The following PPEF1 variants were observed in gnomAD, a reference collection of about 807,000 sequenced individuals.
PPEF1 encodes serine/threonine-protein phosphatase with EF-hands 1.
PPEF1 carries 12 observed loss-of-function variants against 53.3 expected under a neutral mutation model. The ratio of observed to expected loss-of-function variants is 0.23; its 90% CI spans 0.14 to 0.36. The LOEUF (loss-of-function observed/expected upper bound fraction) is 0.36, where lower values mean the gene tolerates loss of function less well. Among genes scored for constraint, PPEF1 ranks in the 10% least tolerant of loss-of-function variants. The pLI is 1.00. For synonymous variants in PPEF1, 165 were observed against 176.7 expected (o/e 0.93, Z 0.52); for missense variants, 334 against 490.4 (o/e 0.68, Z 3.01).
At chrX:18,733,121 G>A (rs1218623249) in intron 2 of PPEF1, among the ~76,000 whole-genome samples, 3 of 111,506 alleles carry the variant, frequency 2.7e-5, no homozygotes, top group Non-Finnish European at 5.7e-5. Flanking sequence ...CAGGAGAATC[G>A]CTTGATCCGG....
At chrX:18,820,640 C>T (rs1196023914) in intron 13 of PPEF1, among the ~76,000 whole-genome samples, 1 of 110,769 alleles carries the variant, frequency 9.0e-6, no homozygotes, top group East Asian at 2.9e-4. Flanking sequence ...CCGCCTTGGC[C>T]TCCCAAAGTG....
chrX:18,705,278 A>G (rs1050703912), upstream of PPEF1, among the ~76,000 whole-genome samples: 3 of 112,418 alleles, frequency 2.7e-5, no homozygotes, highest in East Asian at 8.4e-4. Context: ...CTCAGCGAGT[A>G]TGAAGGTAAC....
chrX:18,785,760 T>C (rs1474623183), intron 9 of PPEF1, among the ~76,000 whole-genome samples: 1 of 110,433 alleles, frequency 9.1e-6, no homozygotes, highest in African/African-American at 3.3e-5. Context: ...TGCACACCTG[T>C]GGTCCCAGCT....
intron 7 of PPEF1, among the ~76,000 whole-genome samples, chrX:18,780,166 A>C (rs2046055603): frequency 8.9e-6 from 1 of 112,257 alleles, no homozygotes; most frequent in East Asian, 2.8e-4. Flanking sequence ...TAGAGCTTAC[A>C]TCTAGCAGGG....
chrX:18,742,238 T>C (rs1319768506), intron 3 of PPEF1, among the ~76,000 whole-genome samples: 1 of 112,226 alleles, frequency 8.9e-6, no homozygotes, highest in African/African-American at 3.2e-5. Flanking sequence ...TTTGAGTTGT[T>C]TTCAGATTGG....
chrX:18,743,437 TCTC>T (rs1410263156), intron 3 of PPEF1, among the ~76,000 whole-genome samples: 1 of 101,047 alleles, frequency 9.9e-6, no homozygotes, highest in African/African-American at 3.7e-5. Context: ...TTTTCTTTTT[TCTC>T]TTTTTCTTTT....
intron 1 of PPEF1, among the ~76,000 whole-genome samples, chrX:18,714,134 T>C (rs1181796791): frequency 1.8e-5 from 2 of 111,789 alleles, no homozygotes; most frequent in Non-Finnish European, 3.8e-5. Flanking sequence ...ACTAACCATA[T>C]TCCAAAGAGT....
chrX:18,742,613 C>G (rs901051268), intron 3 of PPEF1, among the ~76,000 whole-genome samples: 1 of 111,264 alleles, frequency 9.0e-6, no homozygotes, highest in Admixed American at 9.6e-5. Flanking sequence ...AATCTCAGCA[C>G]TTTGGGAGGC....
chrX:18,744,054 C>A (rs910756487), intron 3 of PPEF1, among the ~76,000 whole-genome samples: 4 of 109,439 alleles, frequency 3.7e-5, no homozygotes, highest in African/African-American at 1.3e-4. Context: ...CCATGCCTGG[C>A]TAATTTTGTA....
chrX:18,767,414 A>G (rs2045798332), intron 6 of PPEF1, among the ~76,000 whole-genome samples: 1 of 110,963 alleles, frequency 9.0e-6, no homozygotes, highest in African/African-American at 3.3e-5. Flanking sequence ...GCGTGGTGGC[A>G]CACACCCGTA....
intron 10 of PPEF1, among the ~76,000 whole-genome samples, chrX:18,802,178 C>T (rs1474591000): frequency 7.2e-5 from 8 of 110,397 alleles, no homozygotes. Flanking sequence ...GATCTTCTCA[C>T]TTCAGCCTCC....
At chrX:18,682,644 A>G (rs184788091), upstream of PPEF1, among the ~76,000 whole-genome samples, 18 of 111,546 alleles carry the variant, frequency 1.6e-4, no homozygotes, top group African/African-American at 5.9e-4. Flanking sequence ...AGCTTTGCTT[A>G]AGCCAGCTGG....
chrX:18,757,151 T>A (rs778820455), intron 4 of PPEF1, among the ~76,000 whole-genome samples: 77 of 111,901 alleles, frequency 6.9e-4, no homozygotes, highest in Non-Finnish European at 3.6e-4. Context: ...TAGCTCCATG[T>A]GGCTAGTGGC....
chrX:18,694,488 C>T (rs774958192), intron 4 of PPEF1, among the ~76,000 whole-genome samples: 3 of 111,541 alleles, frequency 2.7e-5, no homozygotes, highest in South Asian at 3.8e-4. Flanking sequence ...CAGTGGCTCA[C>T]GCCTATAATA....
chrX:18,751,062 T>C (rs2045432539), intron 4 of PPEF1, among the ~76,000 whole-genome samples: 1 of 112,114 alleles, frequency 8.9e-6, no homozygotes, highest in Non-Finnish European at 1.9e-5. Flanking sequence ...GAGTTCTTTC[T>C]GGATATAAAT....
chrX:18,805,566 T>C (rs1380346865), intron 11 of PPEF1, among the ~76,000 whole-genome samples: 1 of 110,509 alleles, frequency 9.0e-6, no homozygotes, highest in Non-Finnish European at 1.9e-5. Context: ...TCCTCCTGGC[T>C]GGGCACGGTG....
upstream of PPEF1, among the ~76,000 whole-genome samples, chrX:18,703,625 T>C (rs2044132626): frequency 8.9e-6 from 1 of 112,125 alleles, no homozygotes; most frequent in Admixed American, 9.4e-5. Flanking sequence ...GTGCCAGAGA[T>C]TCAAGGGCTA....
At chrX:18,741,913 C>T (rs918123327) in intron 3 of PPEF1, among the ~76,000 whole-genome samples, 2 of 108,473 alleles carry the variant, frequency 1.8e-5, no homozygotes, top group African/African-American at 6.7e-5. Flanking sequence ...AAGCAATTCT[C>T]ATGCCTCCCG....
intron 12 of PPEF1, among the ~76,000 whole-genome samples, chrX:18,809,726 A>T (rs1197549301): frequency 9.1e-6 from 1 of 110,299 alleles, no homozygotes; most frequent in Admixed American, 9.8e-5. Context: ...AAATCCACTG[A>T]AGGGAAACCC....
Sources: allele counts gnomAD v4.1 joint callset (sites outside exome capture counted in the v4.1 genomes callset), GRCh38; gene constraint gnomAD v4.1.1; transcripts MANE v1.5; gene names NCBI Gene and HGNC (gene_info 2026-07-23, HGNC 2026-07-21).